GRIN3A: variants seen among roughly 807,000 people sequenced by gnomAD.
The protein encoded by GRIN3A is glutamate ionotropic receptor NMDA type subunit 3A.
A neutral mutation model predicts 92.4 loss-of-function variants in GRIN3A; 47 were observed. The ratio of observed to expected loss-of-function variants is 0.51; its 90% CI spans 0.40 to 0.65. The LOEUF is 0.65. Among genes scored for constraint, GRIN3A ranks in the 30% least tolerant of loss-of-function variants. The probability of loss-of-function intolerance (pLI) is 0.00; values close to 1 mark genes in which losing one functional copy is unlikely to be tolerated. For synonymous variants in GRIN3A, 527 were observed against 540.6 expected, an observed-to-expected ratio of 0.97 and a Z score of 0.35; for missense variants, 1,324 against 1,393.1, an observed-to-expected ratio of 0.95 and a Z score of 0.79.
At chr9:101,611,758 G>A (rs917449875) in intron 6 of GRIN3A, among the ~76,000 whole-genome samples, 6 of 152,148 alleles carry the variant, frequency 3.9e-5, no homozygotes, top group Non-Finnish European at 8.8e-5. Context: ...TTTAGAAATA[G>A]TATGATTTAT....
intron 8 of GRIN3A, 66 bp from the exon 9 acceptor site, chr9:101,573,579 G>T: frequency 7.8e-7 from 1 of 1,275,708 alleles, no homozygotes. Flanking sequence ...GTCTTCATCT[G>T]TTAGCCATTT....
chr9:101,591,094 G>T (rs1193377429), intron 6 of GRIN3A, among the ~76,000 whole-genome samples: 2 of 152,150 alleles, frequency 1.3e-5, no homozygotes, highest in Non-Finnish European at 2.9e-5. Flanking sequence ...ACAACATATT[G>T]TGACTGATCT....
At chr9:101,703,625 A>G (rs983801512) in intron 1 of GRIN3A, among the ~76,000 whole-genome samples, 1 of 152,242 alleles carries the variant, frequency 6.6e-6, no homozygotes, top group Non-Finnish European at 1.5e-5. Context: ...CTCAGGACCT[A>G]GGAAAACGTT....
At chr9:101,594,819 A>G in intron 6 of GRIN3A, 6 of 1,611,638 alleles carry the variant, frequency 3.7e-6, no homozygotes, top group Non-Finnish European at 5.1e-6. Flanking sequence ...AGAGACCCTG[A>G]TTTGTCCAAG....
intron 3 of GRIN3A, among the ~76,000 whole-genome samples, chr9:101,663,454 A>AGAAT (rs1829201804): frequency 6.6e-6 from 1 of 151,878 alleles, no homozygotes. Flanking sequence ...GAATTAAGAA[A>AGAAT]GAATGAATGA....
chr9:101,700,419 G>T (rs1479733179), intron 1 of GRIN3A, among the ~76,000 whole-genome samples: 1 of 152,138 alleles, frequency 6.6e-6, no homozygotes, highest in Admixed American at 6.5e-5. Flanking sequence ...GATCTTTTCT[G>T]ATGTCAATCA....
chr9:101,596,062 G>A (rs976127058), intron 6 of GRIN3A, among the ~76,000 whole-genome samples: 2 of 152,158 alleles, frequency 1.3e-5, no homozygotes, highest in South Asian at 4.1e-4. Context: ...ACAGTTCAAA[G>A]GGACTTGGGG....
chr9:101,605,821 G>A (rs1564124393), intron 6 of GRIN3A, among the ~76,000 whole-genome samples: 1 of 152,138 alleles, frequency 6.6e-6, no homozygotes, highest in Admixed American at 6.5e-5. Context: ...GGGTTCCAAG[G>A]TTAGAGCTTT....
intron 6 of GRIN3A, among the ~76,000 whole-genome samples, chr9:101,587,246 G>A (rs900136877): frequency 1.1e-4 from 16 of 150,966 alleles, no homozygotes; most frequent in African/African-American, 3.9e-4. Flanking sequence ...GGAGGCAGAG[G>A]CTGCAGTGAG....
chr9:101,674,941 G>C (rs1386364212), intron 2 of GRIN3A, among the ~76,000 whole-genome samples: 1 of 151,992 alleles, frequency 6.6e-6, no homozygotes, highest in Non-Finnish European at 1.5e-5. Flanking sequence ...TTTTATTTTA[G>C]TAGGAAAAGG....
chr9:101,657,423 G>C (rs1829104905), intron 3 of GRIN3A, among the ~76,000 whole-genome samples: 1 of 151,880 alleles, frequency 6.6e-6, no homozygotes, highest in Non-Finnish European at 1.5e-5. Flanking sequence ...GCTACTCTTG[G>C]TGACTATGGA....
At chr9:101,661,996 T>C (rs1257384839) in intron 3 of GRIN3A, among the ~76,000 whole-genome samples, 1 of 151,946 alleles carries the variant, frequency 6.6e-6, no homozygotes, top group Non-Finnish European at 1.5e-5. Flanking sequence ...ATTTATTTCC[T>C]GAATTACTGT....
chr9:101,632,224 G>A (rs1828724486), intron 3 of GRIN3A, among the ~76,000 whole-genome samples: 1 of 152,100 alleles, frequency 6.6e-6, no homozygotes, highest in Non-Finnish European at 1.5e-5. Context: ...CACTTCCTGA[G>A]GAAAACCTTC....
chr9:101,700,358 G>A (rs967807483), intron 1 of GRIN3A, among the ~76,000 whole-genome samples: 1 of 152,168 alleles, frequency 6.6e-6, no homozygotes, highest in African/African-American at 2.4e-5. Flanking sequence ...CTAGAGGCAA[G>A]AGTAATTATG....
At chr9:101,615,677 C>T (rs191384319) in intron 5 of GRIN3A, among the ~76,000 whole-genome samples, 11 of 152,070 alleles carry the variant, frequency 7.2e-5, no homozygotes, top group Admixed American at 5.9e-4. Context: ...CTTTAAGTCT[C>T]CAAGTGATAC....
intron 5 of GRIN3A, among the ~76,000 whole-genome samples, chr9:101,617,628 A>AT (rs375818675): frequency 2.5e-4 from 38 of 151,044 alleles, no homozygotes; most frequent in South Asian, 1.0e-3. Context: ...TTATTTATTT[A>AT]TTTTGTGTGT....
chr9:101,651,637 T>TGTGTGC (rs1491136987), intron 3 of GRIN3A, among the ~76,000 whole-genome samples: 2 of 13,142 alleles, frequency 1.5e-4, no homozygotes, highest in Admixed American at 8.9e-4. Context: ...ATAAATCCAT[T>TGTGTGC]GTGTGTGTGT....
At chr9:101,709,500 G>C (rs1322962272) in intron 1 of GRIN3A, among the ~76,000 whole-genome samples, 3 of 152,200 alleles carry the variant, frequency 2.0e-5, no homozygotes, top group African/African-American at 7.2e-5. Flanking sequence ...TGATGTTGTA[G>C]CAGCTCACGC....
At chr9:101,687,538 G>A (rs1162978372) in intron 1 of GRIN3A, among the ~76,000 whole-genome samples, 2 of 152,036 alleles carry the variant, frequency 1.3e-5, no homozygotes, top group Admixed American at 1.3e-4. Flanking sequence ...CCCATTTCTT[G>A]GTATTGCTAT....
Sources: allele counts gnomAD v4.1 joint callset (sites outside exome capture counted in the v4.1 genomes callset), GRCh38; gene constraint gnomAD v4.1.1; transcripts MANE v1.5; gene names NCBI Gene and HGNC (gene_info 2026-07-23, HGNC 2026-07-21).